Variants in ADAMTS19 observed in about 807,000 individuals in gnomAD.
The protein encoded by ADAMTS19 is A disintegrin and metalloproteinase with thrombospondin motifs 19.
A neutral mutation model predicts 153.3 loss-of-function variants in ADAMTS19; 93 were observed. The ratio of observed to expected loss-of-function variants is 0.61; its 90% CI spans 0.51 to 0.72. ADAMTS19 has a LOEUF of 0.72. Among genes scored for constraint, ADAMTS19 ranks in the 30% least tolerant of loss-of-function variants. The probability of loss-of-function intolerance (pLI) is 0.00; values close to 1 mark genes in which losing one functional copy is unlikely to be tolerated. For missense variants in ADAMTS19, 1,482 were observed against 1,552.1 expected (o/e 0.95, Z 0.76); for synonymous variants, 600 against 556.6 (o/e 1.08, Z -1.10).
At chr5:129,580,002 A>G (rs970350452) in intron 7 of ADAMTS19, among the ~76,000 whole-genome samples, 2 of 152,186 alleles carry the variant, frequency 1.3e-5, no homozygotes, top group Admixed American at 1.3e-4. Context: ...TGGGGATAGC[A>G]TTGAATCTAT....
At chr5:129,590,008 AT>A (rs34800045) in intron 7 of ADAMTS19, among the ~76,000 whole-genome samples, 3 of 152,014 alleles carry the variant, frequency 2.0e-5, no homozygotes, top group African/African-American at 7.2e-5. Flanking sequence ...GCATTCTCAG[AT>A]TTTTTTTAAG....
At chr5:129,513,439 T>C (rs890691166) in intron 3 of ADAMTS19, among the ~76,000 whole-genome samples, 2 of 151,868 alleles carry the variant, frequency 1.3e-5, no homozygotes, top group African/African-American at 4.8e-5. Context: ...GAGGCTGCAG[T>C]GAGCCATGAT....
chr5:129,733,335 A>C (rs1757526971), intron 21 of ADAMTS19, among the ~76,000 whole-genome samples: 1 of 152,128 alleles, frequency 6.6e-6, no homozygotes, highest in African/African-American at 2.4e-5. Context: ...GAGCTTCTGC[A>C]CAGCAAAAGA....
intron 13 of ADAMTS19, among the ~76,000 whole-genome samples, chr5:129,651,716 A>G (rs1334995862): frequency 6.6e-6 from 1 of 152,176 alleles, no homozygotes; most frequent in Non-Finnish European, 1.5e-5. Context: ...CCTTCCAAGT[A>G]CCACACACAC....
chr5:129,605,466 C>A (rs926575876), intron 8 of ADAMTS19, among the ~76,000 whole-genome samples: 1 of 152,204 alleles, frequency 6.6e-6, no homozygotes, highest in African/African-American at 2.4e-5. Flanking sequence ...ACATGGCTGT[C>A]TCCCATTCTT....
intron 20 of ADAMTS19, among the ~76,000 whole-genome samples, chr5:129,703,599 G>A (rs1313786527): frequency 6.6e-6 from 1 of 152,010 alleles, no homozygotes; most frequent in Non-Finnish European, 1.5e-5. Flanking sequence ...GGGCATGGTG[G>A]TATATGCTTA....
intron 2 of ADAMTS19, among the ~76,000 whole-genome samples, chr5:129,492,572 T>G (rs1750804248): frequency 6.6e-6 from 1 of 151,848 alleles, no homozygotes; most frequent in African/African-American, 2.4e-5. Context: ...TATGTGTGTA[T>G]GTAATGAAAA....
At chr5:129,669,984 G>T (rs889957811) in intron 16 of ADAMTS19, among the ~76,000 whole-genome samples, 1 of 152,024 alleles carries the variant, frequency 6.6e-6, no homozygotes, top group Non-Finnish European at 1.5e-5. Flanking sequence ...GTGGGGGGTT[G>T]TTATTCAGCT....
Position 129,503,983 on chromosome 5 carries a change from G to A in ADAMTS19, c.748-5094G>A, listed in dbSNP as rs141040853. On this transcript the variant is annotated intron_variant, in intron 2 of 22. Transcript: ENST00000274487. Reference sequence around the variant, plus strand: ...ACACTTCTGCTTCTTCGAGTGTCTCGCTAATTCTCGGATGTACTTTATATT... The same window carrying A: ...ACACTTCTGCTTCTTCGAGTGTCTCACTAATTCTCGGATGTACTTTATATT... 9.2e-3 allele frequency among the ~76,000 whole-genome samples: 1,406 copies of A among 152,170 alleles called. 19 individuals carry two copies. The highest frequency in any genetic ancestry group is 0.031 in the African/African-American group (1,268 of 41,506).
chr5:129,624,332 C>G (rs1348225653), intron 10 of ADAMTS19, among the ~76,000 whole-genome samples: 1 of 152,018 alleles, frequency 6.6e-6, no homozygotes, highest in Non-Finnish European at 1.5e-5. Flanking sequence ...ATCTACTAAC[C>G]TCCACTCTGC....
intron 10 of ADAMTS19, among the ~76,000 whole-genome samples, chr5:129,639,704 C>T (rs1443517267): frequency 6.6e-6 from 1 of 152,062 alleles, no homozygotes; most frequent in Non-Finnish European, 1.5e-5. Flanking sequence ...AACTAATGAA[C>T]TTGAATAAAA....
At chr5:129,479,179 T>G (rs981015274) in intron 2 of ADAMTS19, among the ~76,000 whole-genome samples, 1 of 152,178 alleles carries the variant, frequency 6.6e-6, no homozygotes, top group Non-Finnish European at 1.5e-5. Context: ...GTCATGAAGA[T>G]ACTTTGTTGC....
intron 8 of ADAMTS19, among the ~76,000 whole-genome samples, chr5:129,610,610 G>C (rs1490849983): frequency 6.6e-6 from 1 of 152,108 alleles, no homozygotes; most frequent in Non-Finnish European, 1.5e-5. Flanking sequence ...CCCCACAAAG[G>C]ACATGAACTC....
At chr5:129,668,988 T>G (rs1369053415) in intron 16 of ADAMTS19, among the ~76,000 whole-genome samples, 1 of 152,004 alleles carries the variant, frequency 6.6e-6, no homozygotes, top group Non-Finnish European at 1.5e-5. Context: ...ATTGCAAAAC[T>G]TCCTACAAAG....
At chr5:129,472,019 C>T (rs1188611341) in intron 2 of ADAMTS19, among the ~76,000 whole-genome samples, 1 of 152,166 alleles carries the variant, frequency 6.6e-6, no homozygotes, top group African/African-American at 2.4e-5. Context: ...AACTCACACA[C>T]GTGTGTGTCT....
chr5:129,738,313 A>G lies in ADAMTS19; in HGVS notation c.*1095A>G, dbSNP rs1757760212. 1 of 152,058 alleles carries G rather than the reference A, an allele frequency of 6.6e-6. No homozygotes were observed. The highest frequency in any genetic ancestry group is 2.4e-5 in the African/African-American group (1 of 41,436). 9.4% of individuals were successfully genotyped at this position (152,058 alleles called of 1,614,324 possible). A position where few individuals can be genotyped will look rare whatever the true frequency, so the allele number is the denominator to read the frequency against. On this transcript the variant is annotated 3_prime_UTR_variant, in exon 23 of 23. Coordinates refer to ENST00000274487, the MANE Select transcript of ADAMTS19 (RefSeq NM_133638.6). ...TTCACATGATTTCTTAGATTTTTCA[A>G]TAAAATATGTAAAACTTCCCACTGA...
chr5:129,617,294 C>T lies in ADAMTS19; in HGVS notation c.1479-3324C>T, dbSNP rs76166159. ...AAACAATGCTTGAATCACCAGACCTCCCCATGGCTGAAGCTAATTTCTTAC... is the reference window on the plus strand; with the variant it reads ...AAACAATGCTTGAATCACCAGACCTTCCCATGGCTGAAGCTAATTTCTTAC... On this transcript the variant is annotated intron_variant, in intron 8 of 22. Coordinates refer to ENST00000274487, the MANE Select transcript of ADAMTS19 (RefSeq NM_133638.6). Among the ~76,000 whole-genome samples, 10 of 152,064 alleles carry T rather than the reference C, an allele frequency of 6.6e-5. No homozygotes were observed. In the East Asian group the frequency reaches 1.9e-3, roughly 29 times the overall value.
chr5:129,509,980 T>C (rs1015241539), intron 3 of ADAMTS19, among the ~76,000 whole-genome samples: 6 of 151,882 alleles, frequency 4.0e-5, no homozygotes, highest in South Asian at 4.1e-4. Flanking sequence ...ATAGCTAATA[T>C]TCAGAAAAAA....
At chr5:129,547,290 A>G (rs1303976300) in intron 6 of ADAMTS19, among the ~76,000 whole-genome samples, 4 of 149,890 alleles carry the variant, frequency 2.7e-5, no homozygotes, top group African/African-American at 1.0e-4. Context: ...TAGTGAAGGC[A>G]AGGAAACATA....
Sources: allele counts gnomAD v4.1 joint callset (sites outside exome capture counted in the v4.1 genomes callset), GRCh38; gene constraint gnomAD v4.1.1; transcripts MANE v1.5; gene names NCBI Gene and HGNC (gene_info 2026-07-23, HGNC 2026-07-21).